Variants in PITPNC1 observed in about 807,000 individuals in gnomAD.
PITPNC1 encodes cytoplasmic phosphatidylinositol transfer protein 1.
PITPNC1 carries 18 observed loss-of-function variants against 44.7 expected under a neutral mutation model. The observed-to-expected ratio is 0.40, with a 90% CI of 0.28 to 0.60. PITPNC1 has a LOEUF of 0.60. Ranked by LOEUF, PITPNC1 falls within the 20% of genes least tolerant of loss-of-function variation. The pLI is 0.39. For synonymous variants in PITPNC1, 141 were observed against 149.6 expected (o/e 0.94, Z 0.42); for missense variants, 290 against 418.4 (o/e 0.69, Z 2.68).
chr17:67,491,095 TA>T (rs2039858567), intron 1 of PITPNC1, among the ~76,000 whole-genome samples: 1 of 152,204 alleles, frequency 6.6e-6, no homozygotes, highest in Admixed American at 6.5e-5. Context: ...GACTTCTTCT[TA>T]AGCCCATGGG....
In PITPNC1 at chr17:67,522,161, G is replaced by A. The variant is rs371013234; in HGVS notation, c.49-10641G>A. On this transcript the variant is annotated intron_variant, in intron 1 of 8. Transcript: ENST00000581322. Reference sequence around the variant, plus strand: ...TCTACTAAAAATACAAAAATTAGCCGGGCGTGGTGGCACACGCTTGTAATT... The same window carrying A: ...TCTACTAAAAATACAAAAATTAGCCAGGCGTGGTGGCACACGCTTGTAATT... Among the ~76,000 whole-genome samples the A allele has an allele frequency of 8.5e-5, 13 of 152,124 alleles. No homozygotes were observed. The South Asian group carries it at 1.0e-3, about 12-fold the overall frequency.
chr17:67,391,314 A>G (rs956022251), intron 1 of PITPNC1, among the ~76,000 whole-genome samples: 2 of 152,022 alleles, frequency 1.3e-5, no homozygotes, highest in African/African-American at 4.8e-5. Flanking sequence ...CTAAGCCGCT[A>G]ATCTCCAAAG....
intron 2 of PITPNC1, among the ~76,000 whole-genome samples, chr17:67,541,249 A>G (rs1444616909): frequency 6.6e-6 from 1 of 152,158 alleles, no homozygotes; most frequent in Non-Finnish European, 1.5e-5. Context: ...TAAATAAAAT[A>G]AAAGACTGAG....
intron 5 of PITPNC1, 48 bp downstream of exon 5, chr17:67,578,305 T>C: frequency 7.7e-7 from 1 of 1,291,018 alleles, no homozygotes; most frequent in Non-Finnish European, 1.1e-6. Flanking sequence ...GGGCTCTGAA[T>C]ATCACAGCAC....
At chr17:67,500,221 A>G (rs976794827) in intron 1 of PITPNC1, among the ~76,000 whole-genome samples, 1 of 152,258 alleles carries the variant, frequency 6.6e-6, no homozygotes, top group African/African-American at 2.4e-5. Flanking sequence ...TAAATAAAAC[A>G]TTAAGGCCTT....
At chr17:67,600,904 C>T (rs977816081) in intron 5 of PITPNC1, among the ~76,000 whole-genome samples, 28 of 151,984 alleles carry the variant, frequency 1.8e-4, no homozygotes, top group African/African-American at 6.0e-4. Flanking sequence ...CTTACATCAA[C>T]GTATATTTGA....
At chr17:67,587,977 G>A (rs1030625827) in intron 5 of PITPNC1, among the ~76,000 whole-genome samples, 2 of 152,096 alleles carry the variant, frequency 1.3e-5, no homozygotes, top group Non-Finnish European at 2.9e-5. Context: ...GGCTTGCTAT[G>A]ACAATAGCCA....
intron 6 of PITPNC1, among the ~76,000 whole-genome samples, chr17:67,651,492 G>A (rs1433290185): frequency 6.6e-6 from 1 of 150,858 alleles, no homozygotes; most frequent in Non-Finnish European, 1.5e-5. Context: ...TAGCCCAGGT[G>A]ACAGAATGAG....
chr17:67,494,185 T>TTCTTTCTTTCTTTC, intron 1 of PITPNC1, among the ~76,000 whole-genome samples: 3,480 of 102,470 alleles, frequency 0.034, 204 homozygotes, highest in African/African-American at 0.057. Context: ...CTTTCTTTCT[T>TTCTTTCTTTCTTTC]TTTCTTTCTT....
intron 1 of PITPNC1, among the ~76,000 whole-genome samples, chr17:67,425,974 A>G (rs147366126): frequency 8.5e-5 from 13 of 152,344 alleles, no homozygotes; most frequent in South Asian, 6.2e-4. Flanking sequence ...CTGTGTTTCA[A>G]TAAAACTTTA....
At chr17:67,424,331 A>G (rs901847221) in intron 1 of PITPNC1, among the ~76,000 whole-genome samples, 13 of 152,096 alleles carry the variant, frequency 8.5e-5, no homozygotes, top group African/African-American at 3.1e-4. Flanking sequence ...AATCCAAACT[A>G]TAACTATGCA....
chr17:67,569,971 G>T (rs12937883), intron 4 of PITPNC1, among the ~76,000 whole-genome samples: 3,681 of 152,280 alleles, frequency 0.024, 63 homozygotes, highest in Middle Eastern at 0.054. Context: ...AGGAAGAAGA[G>T]GTGGAGAGGG....
intron 1 of PITPNC1, among the ~76,000 whole-genome samples, chr17:67,438,793 C>T (rs1296664634): frequency 1.1e-4 from 17 of 152,290 alleles, no homozygotes; most frequent in African/African-American, 4.1e-4. Flanking sequence ...CAACAAAAAG[C>T]AGTACTGCTG....
At chr17:67,412,980 G>A (rs144303066) in intron 1 of PITPNC1, among the ~76,000 whole-genome samples, 31 of 152,228 alleles carry the variant, frequency 2.0e-4, no homozygotes, top group African/African-American at 7.2e-4. Flanking sequence ...TTAATGAGTT[G>A]GTTGCTAGAT....
chr17:67,668,080 C>T (rs11871834), intron 6 of PITPNC1, among the ~76,000 whole-genome samples: 73,168 of 151,994 alleles, frequency 0.48, 20,098 homozygotes, highest in Non-Finnish European at 0.62. Context: ...AATGTGTACA[C>T]GTTACATCCA....
rs568414208 is a variant in PITPNC1, at chr17:67,468,930, T to C, written c.49-63872T>C. Among the ~76,000 whole-genome samples, 9 of 152,266 alleles carry C rather than the reference T, an allele frequency of 5.9e-5. No homozygotes were observed. The South Asian group carries it at 1.5e-3, about 25-fold the overall frequency. ...TTTTAGTAGAGACGAGGTTTCGCCA[T>C]GTTGGCCAGGCTGGTCTCAAACTCC... On this transcript the variant is annotated intron_variant, in intron 1 of 8. Coordinates refer to ENST00000581322, the MANE Select transcript of PITPNC1 (RefSeq NM_012417.4).
chr17:67,672,122 CG>C (rs1245034375), intron 7 of PITPNC1, among the ~76,000 whole-genome samples: 1 of 151,626 alleles, frequency 6.6e-6, no homozygotes, highest in Admixed American at 6.6e-5. Context: ...TTAGTAGAGA[CG>C]GGGTTTCACC....
intron 8 of PITPNC1, chr17:67,687,201 A>G (rs1218734240): frequency 7.5e-7 from 1 of 1,332,470 alleles, no homozygotes; most frequent in African/African-American, 1.4e-5. Flanking sequence ...AGAATTTTTA[A>G]AACATGTTGC....
At chr17:67,490,216 A>G (rs993893428) in intron 1 of PITPNC1, among the ~76,000 whole-genome samples, 3 of 149,524 alleles carry the variant, frequency 2.0e-5, no homozygotes, top group African/African-American at 7.4e-5. Flanking sequence ...AGGAATGAGG[A>G]TGCATTATGT....
Sources: gnomAD v4.1 joint callset for allele counts (sites outside exome capture counted in the v4.1 genomes callset) on GRCh38, gnomAD v4.1.1 for gene constraint, MANE v1.5 for transcripts, NCBI Gene and HGNC (gene_info 2026-07-23, HGNC 2026-07-21) for gene names.